Variants in PDE8B observed in about 807,000 individuals in gnomAD.
The protein encoded by PDE8B is high affinity cAMP-specific and IBMX-insensitive 3',5'-cyclic phosphodiesterase 8B.
Under a neutral mutation model 101.3 loss-of-function variants are expected in PDE8B, and 26 were observed. That is an observed-to-expected ratio of 0.26 (90% CI 0.19 to 0.36). The LOEUF (loss-of-function observed/expected upper bound fraction) is 0.36. Ranked by LOEUF, PDE8B falls within the 10% of genes least tolerant of loss-of-function variation. The pLI is 1.00. For synonymous variants in PDE8B, 424 were observed against 429.3 expected (o/e 0.99, Z 0.15); for missense variants, 810 against 1,163.1 (o/e 0.70, Z 4.42).
intron 1 of PDE8B, among the ~76,000 whole-genome samples, chr5:77,248,540 AC>A (rs1757424998): frequency 6.6e-6 from 1 of 152,116 alleles, no homozygotes; most frequent in African/African-American, 2.4e-5. Context: ...GCCCCAGTAT[AC>A]CTTATCACTA....
At chr5:77,325,754 T>G (rs1261559351) in intron 3 of PDE8B, 25 bp downstream of exon 3, 2 of 1,492,370 alleles carry the variant, frequency 1.3e-6, no homozygotes. Context: ...TTAATATGCT[T>G]AGTAAATGTT....
intron 1 of PDE8B, among the ~76,000 whole-genome samples, chr5:77,309,846 CTGGCCTCAAG>C (rs1227316733): frequency 6.6e-6 from 1 of 151,692 alleles, no homozygotes; most frequent in Non-Finnish European, 1.5e-5. Context: ...TCTCAAACTC[CTGGCCTCAAG>C]TGATCCACCT....
At chr5:77,248,340 C>G (rs1220691601) in intron 1 of PDE8B, among the ~76,000 whole-genome samples, 2 of 152,204 alleles carry the variant, frequency 1.3e-5, no homozygotes. Context: ...GCGGATGAAT[C>G]AGGAGCTTCC....
At chr5:77,295,237 T>C (rs533133953) in intron 1 of PDE8B, among the ~76,000 whole-genome samples, 3 of 151,742 alleles carry the variant, frequency 2.0e-5, no homozygotes, top group South Asian at 2.1e-4. Flanking sequence ...CCCTCAAATA[T>C]AAGAACCACA....
the PDE8B span, among the ~76,000 whole-genome samples, chr5:77,117,728 A>G: frequency 2.1e-3 from 318 of 152,326 alleles, no homozygotes; most frequent in African/African-American, 7.2e-3. Context: ...GCAGGAAGTA[A>G]GAAAAGGTGA....
the PDE8B span, among the ~76,000 whole-genome samples, chr5:77,099,224 T>C: frequency 6.6e-6 from 1 of 152,214 alleles, no homozygotes; most frequent in African/African-American, 2.4e-5. Flanking sequence ...TTGGAGTTTA[T>C]CCTGAGGTAG....
intron 1 of PDE8B, among the ~76,000 whole-genome samples, chr5:77,260,582 ATTTT>A (rs34008487): frequency 8.7e-6 from 1 of 114,938 alleles, no homozygotes; most frequent in Admixed American, 9.9e-5. Context: ...ACTGTGGCTC[ATTTT>A]TTTTTTTTTT....
chr5:77,395,331 G>T (rs1228933644), intron 10 of PDE8B, among the ~76,000 whole-genome samples: 1 of 151,150 alleles, frequency 6.6e-6, no homozygotes, highest in East Asian at 1.9e-4. Context: ...TAGCCAGGAT[G>T]GTCTCAATCT....
At chr5:77,120,466 A>T in the PDE8B span, among the ~76,000 whole-genome samples, 8 of 152,268 alleles carry the variant, frequency 5.3e-5, no homozygotes, top group Non-Finnish European at 1.2e-4. Flanking sequence ...AATGATATGC[A>T]TGCTGAAGTG....
At chr5:77,194,167 T>G in the PDE8B span, among the ~76,000 whole-genome samples, 2 of 152,184 alleles carry the variant, frequency 1.3e-5, no homozygotes, top group African/African-American at 4.8e-5. Context: ...CCAGTGTAGC[T>G]TTGGTGATAG....
chr5:77,414,059 T>A (rs1028319280), intron 17 of PDE8B, among the ~76,000 whole-genome samples: 1 of 152,196 alleles, frequency 6.6e-6, no homozygotes, highest in South Asian at 2.1e-4. Context: ...CATATGGGGA[T>A]TGAAATTCAC....
intron 1 of PDE8B, among the ~76,000 whole-genome samples, chr5:77,306,987 G>A (rs1425637044): frequency 6.6e-6 from 1 of 152,142 alleles, no homozygotes; most frequent in Non-Finnish European, 1.5e-5. Flanking sequence ...TGTTCAGAAA[G>A]TGGGCAAGCC....
At chr5:77,389,746 A>G (rs1268280757) in intron 10 of PDE8B, among the ~76,000 whole-genome samples, 1 of 152,132 alleles carries the variant, frequency 6.6e-6, no homozygotes, top group Non-Finnish European at 1.5e-5. Context: ...TCTCTCACTC[A>G]TAATGTTTTT....
chr5:77,312,727 A>G (rs1377378832), intron 2 of PDE8B, among the ~76,000 whole-genome samples: 1 of 152,254 alleles, frequency 6.6e-6, no homozygotes, highest in Non-Finnish European at 1.5e-5. Flanking sequence ...GTTAAATGAG[A>G]TAGCATAGGA....
At chr5:77,167,428 T>TA in the PDE8B span, among the ~76,000 whole-genome samples, 1 of 152,216 alleles carries the variant, frequency 6.6e-6, no homozygotes, top group Non-Finnish European at 1.5e-5. Flanking sequence ...GTGTTTGCAT[T>TA]ACAAAATTAT....
the PDE8B span, among the ~76,000 whole-genome samples, chr5:77,130,615 T>C: frequency 3.3e-5 from 5 of 151,974 alleles, no homozygotes; most frequent in Admixed American, 1.3e-4. Flanking sequence ...TTTTTGGATT[T>C]TAGAAAGGTA....
chr5:77,248,820 G>A (rs1452002226), intron 1 of PDE8B, among the ~76,000 whole-genome samples: 1 of 152,146 alleles, frequency 6.6e-6, no homozygotes, highest in African/African-American at 2.4e-5. Context: ...GGCTAGATGA[G>A]GTCACAAGGC....
chr5:77,374,088 G>T (rs1045771988), intron 10 of PDE8B, among the ~76,000 whole-genome samples: 29 of 152,214 alleles, frequency 1.9e-4, no homozygotes, highest in African/African-American at 6.7e-4. Flanking sequence ...GACCTCAGGT[G>T]ATCCACCTGC....
chr5:77,185,341 T>C, the PDE8B span, among the ~76,000 whole-genome samples: 1 of 152,322 alleles, frequency 6.6e-6, no homozygotes, highest in South Asian at 2.1e-4. Flanking sequence ...ATTGGTTAAT[T>C]CTGAGGACCT....
Sources: allele counts gnomAD v4.1 joint callset (sites outside exome capture counted in the v4.1 genomes callset), GRCh38; gene constraint gnomAD v4.1.1; transcripts MANE v1.5; gene names NCBI Gene and HGNC (gene_info 2026-07-23, HGNC 2026-07-21).